The following CDH12 variants were observed in gnomAD, a reference collection of about 807,000 sequenced individuals.
CDH12 encodes cadherin 12.
In CDH12, 41 loss-of-function variants were observed where a neutral mutation model predicts 74.1. The observed-to-expected ratio is 0.55, with a 90% CI of 0.43 to 0.72. CDH12 has a LOEUF of 0.72. Among genes scored for constraint, CDH12 ranks in the 30% least tolerant of loss-of-function variants. The pLI is 0.00. For synonymous variants in CDH12, 399 were observed against 355.0 expected (o/e 1.12, Z -1.39); for missense variants, 945 against 977.2 (o/e 0.97, Z 0.44).
At chr5:21,970,809 C>T (rs575095242) in intron 6 of CDH12, among the ~76,000 whole-genome samples, 19 of 123,422 alleles carry the variant, frequency 1.5e-4, no homozygotes, top group Non-Finnish European at 2.2e-4. Context: ...CACTACACTC[C>T]GGCCTGGGCA....
chr5:22,068,404 GTAT>G (rs757684039), intron 5 of CDH12, among the ~76,000 whole-genome samples: 27 of 152,320 alleles, frequency 1.8e-4, no homozygotes, highest in East Asian at 1.4e-3. Context: ...GACAGCTGCA[GTAT>G]TATAGGCTCT....
At chr5:22,465,062 G>A (rs1235799146) in intron 2 of CDH12, among the ~76,000 whole-genome samples, 8 of 128,984 alleles carry the variant, frequency 6.2e-5, no homozygotes, top group African/African-American at 2.3e-4. Flanking sequence ...GGGAGGGGGG[G>A]AAAGAGAGAG....
chr5:22,164,609 G>A (rs1748572674), intron 4 of CDH12, among the ~76,000 whole-genome samples: 1 of 152,226 alleles, frequency 6.6e-6, no homozygotes. Flanking sequence ...GCTCCTGTAC[G>A]AGGAGGGGAC....
At chr5:22,312,687 C>T (rs745509959) in intron 3 of CDH12, among the ~76,000 whole-genome samples, 10 of 152,090 alleles carry the variant, frequency 6.6e-5, no homozygotes, top group African/African-American at 1.4e-4. Context: ...GCTTTCTGTT[C>T]CCTACCAAAC....
At chr5:21,869,201 TA>T (rs1324100318) in intron 6 of CDH12, among the ~76,000 whole-genome samples, 1 of 152,086 alleles carries the variant, frequency 6.6e-6, no homozygotes, top group African/African-American at 2.4e-5. Context: ...ACAATAGAGG[TA>T]AGGTAGAGCA....
At chr5:21,994,342 A>G (rs921886195) in intron 5 of CDH12, among the ~76,000 whole-genome samples, 3 of 152,154 alleles carry the variant, frequency 2.0e-5, no homozygotes, top group African/African-American at 7.2e-5. Flanking sequence ...ACAACATCAT[A>G]TCAATTCCAA....
intron 1 of CDH12, among the ~76,000 whole-genome samples, chr5:22,522,123 A>G (rs533930089): frequency 2.0e-4 from 30 of 152,300 alleles, no homozygotes; most frequent in Non-Finnish European, 3.1e-4. Flanking sequence ...TTCAGTTATG[A>G]TAAGACATAG....
In CDH12 at chr5:22,581,457, T is replaced by C. The variant is rs114752355; in HGVS notation, c.-522-76093A>G. Among the ~76,000 whole-genome samples the C allele has an allele frequency of 8.0e-3, 1,218 of 152,194 alleles. 14 individuals are homozygous for C. The highest frequency in any genetic ancestry group is 0.028 in the African/African-American group (1,179 of 41,548). Reference sequence around the variant, plus strand: ...CAGAAGTTTGCTGCAGAGGTTTCCATACATCCTCTGAAATCTAGGCAGAGG... The same window carrying C: ...CAGAAGTTTGCTGCAGAGGTTTCCACACATCCTCTGAAATCTAGGCAGAGG... On this transcript the variant is annotated intron_variant, in intron 1 of 14. Transcript: ENST00000382254.
At chr5:22,677,416 C>T (rs1271550035) in intron 1 of CDH12, among the ~76,000 whole-genome samples, 1 of 151,614 alleles carries the variant, frequency 6.6e-6, no homozygotes, top group South Asian at 2.1e-4. Context: ...TCCTCAGAGA[C>T]AGCGCTTTCC....
intron 8 of CDH12, among the ~76,000 whole-genome samples, chr5:21,837,288 T>C (rs1749587284): frequency 6.6e-6 from 1 of 151,936 alleles, no homozygotes; most frequent in Non-Finnish European, 1.5e-5. Context: ...ACAACAACAA[T>C]AAAATAGCAA....
chr5:22,290,477 T>C (rs1737336807), intron 3 of CDH12, among the ~76,000 whole-genome samples: 2 of 152,088 alleles, frequency 1.3e-5, no homozygotes, highest in South Asian at 4.1e-4. Context: ...CAAAGAGATG[T>C]CCTGAAGTGA....
chr5:22,551,648 CAT>C (rs947889374), intron 1 of CDH12, among the ~76,000 whole-genome samples: 14 of 151,756 alleles, frequency 9.2e-5, no homozygotes, highest in African/African-American at 2.4e-4. Flanking sequence ...TCATAAAAAA[CAT>C]GTGATATTCT....
chr5:22,666,585 C>G (rs1010802330), intron 1 of CDH12, among the ~76,000 whole-genome samples: 13 of 152,000 alleles, frequency 8.6e-5, no homozygotes, highest in Non-Finnish European at 1.9e-4. Context: ...CCACCGCGCC[C>G]GGCCCTCTCT....
At chr5:21,938,723 CATATATATAT>C (rs545475183) in intron 6 of CDH12, among the ~76,000 whole-genome samples, 13 of 112,078 alleles carry the variant, frequency 1.2e-4, no homozygotes, top group African/African-American at 3.2e-4. Context: ...ATATAATATA[CATATATATAT>C]ATATATATAT....
At chr5:22,204,039 A>C (rs756948064) in intron 4 of CDH12, among the ~76,000 whole-genome samples, 137 of 152,370 alleles carry the variant, frequency 9.0e-4, no homozygotes, top group Non-Finnish European at 1.5e-3. Flanking sequence ...AACTTACAGA[A>C]TGGGAGAACA....
intron 3 of CDH12, among the ~76,000 whole-genome samples, chr5:22,367,707 T>C (rs1037232647): frequency 6.6e-6 from 1 of 152,200 alleles, no homozygotes; most frequent in East Asian, 1.9e-4. Flanking sequence ...CAGGTAAATA[T>C]AGAAGCCCAT....
At chr5:22,846,683 T>C (rs1446998076) in intron 1 of CDH12, among the ~76,000 whole-genome samples, 4 of 152,198 alleles carry the variant, frequency 2.6e-5, no homozygotes, top group African/African-American at 7.2e-5. Flanking sequence ...CAAAACTCTA[T>C]GAGACAGGTC....
intron 6 of CDH12, among the ~76,000 whole-genome samples, chr5:21,969,775 T>A (rs1324524647): frequency 1.3e-5 from 2 of 152,064 alleles, no homozygotes; most frequent in Non-Finnish European, 2.9e-5. Flanking sequence ...ATATACAACC[T>A]TTATCAAATA....
chr5:22,019,184 A>G (rs1332201135), intron 5 of CDH12, among the ~76,000 whole-genome samples: 1 of 152,114 alleles, frequency 6.6e-6, no homozygotes, highest in Non-Finnish European at 1.5e-5. Flanking sequence ...CTGGCCTGTC[A>G]TATGTCTTGT....
Sources: allele counts gnomAD v4.1 joint callset (sites outside exome capture counted in the v4.1 genomes callset), GRCh38; gene constraint gnomAD v4.1.1; transcripts MANE v1.5; gene names NCBI Gene and HGNC (gene_info 2026-07-23, HGNC 2026-07-21).